CALD1: variants seen among roughly 807,000 people sequenced by gnomAD.
CALD1 encodes the protein caldesmon.
CALD1 carries 33 observed loss-of-function variants against 99.9 expected under a neutral mutation model. The observed-to-expected ratio is 0.33, with a 90% CI of 0.25 to 0.44. The LOEUF (loss-of-function observed/expected upper bound fraction) is 0.44, where lower values mean the gene tolerates loss of function less well. Ranked by LOEUF, CALD1 falls within the 20% of genes least tolerant of loss-of-function variation. CALD1 has a pLI of 1.00. For missense variants in CALD1, 861 were observed against 962.1 expected (o/e 0.89, Z 1.39); for synonymous variants, 310 against 325.0 (o/e 0.95, Z 0.50).
At chr7:134,734,915 C>T in the CALD1 span, 9 of 164,348 alleles carry the variant, frequency 5.5e-5, no homozygotes, top group South Asian at 1.6e-4. Context: ...ACCTCCTCCT[C>T]ATCCCACTCC....
intron 1 of CALD1, 109 bp from the exon 2 acceptor site, chr7:134,843,775 T>G (rs1799742520): frequency 6.6e-6 from 1 of 152,242 alleles, no homozygotes; most frequent in Non-Finnish European, 1.5e-5. Context: ...TCCCTTTAGA[T>G]TCTAACTAAC....
chr7:134,941,143 A>G lies in CALD1; in HGVS notation c.1438A>G (p.Ser480Gly). ...KDKEPKEEVKSFMDRKKGFTE... is the reference protein window; with the variant it reads ...KDKEPKEEVKGFMDRKKGFTE... ...CAAAGAACCCAAAGAAGAAGTTAAG[A>G]GCTTCATGGATCGAAAGAAGGGATT... Residue 480 changes from serine to glycine, a missense_variant, in exon 7 of 15, where the codon AGC (serine) becomes GGC (glycine). By Grantham distance (56) the Ser-to-Gly change is moderately conservative. Transcript: ENST00000361675. The G allele has an allele frequency of 6.2e-7, 1 of 1,613,092 alleles. No individual in the cohort carries two copies. Among genetic ancestry groups the G allele is most frequent in the African/African-American group, 1.3e-5 (1 of 75,006 alleles).
At chr7:134,898,344 CTTACTT>C (rs1012494738) in intron 3 of CALD1, among the ~76,000 whole-genome samples, 1 of 152,164 alleles carries the variant, frequency 6.6e-6, no homozygotes, top group African/African-American at 2.4e-5. Context: ...ATTAAACAGT[CTTACTT>C]TTACAATTAA....
intron 6 of CALD1, among the ~76,000 whole-genome samples, chr7:134,939,731 G>A (rs1222360848): frequency 6.6e-6 from 1 of 152,170 alleles, no homozygotes; most frequent in African/African-American, 2.4e-5. Flanking sequence ...GGGAGGCCGA[G>A]GTGGGCAGAT....
intron 3 of CALD1, among the ~76,000 whole-genome samples, chr7:134,904,463 C>T (rs1274278049): frequency 1.3e-5 from 2 of 151,922 alleles, no homozygotes; most frequent in Non-Finnish European, 2.9e-5. Flanking sequence ...CACCTGCAGT[C>T]CCAGCTACTC....
chr7:134,743,700 C>G (rs1796610010), upstream of CALD1, among the ~76,000 whole-genome samples: 1 of 152,226 alleles, frequency 6.6e-6, no homozygotes, highest in African/African-American at 2.4e-5. Context: ...ATTAAAATAT[C>G]TGTATCCTAA....
chr7:134,795,527 C>G (rs1797713198), intron 1 of CALD1, among the ~76,000 whole-genome samples: 1 of 152,152 alleles, frequency 6.6e-6, no homozygotes, highest in African/African-American at 2.4e-5. Context: ...CAGACTAATA[C>G]AACAGTGAAA....
At position 134,969,153 on chromosome 7, in the gene CALD1, TA is replaced by T. The variant is rs766262287; in HGVS notation, c.*814del. 2.0e-5 allele frequency: 3 copies of T among 152,722 alleles called. No individual in the cohort carries two copies. Among genetic ancestry groups the T allele is most frequent in the African/African-American group, 7.2e-5 (3 of 41,442 alleles). 9.5% of individuals were successfully genotyped at this position (152,722 alleles called of 1,614,324 possible). ...GCCAATATCACAGCTTTTGAAAAAT[TA>T]AAAAATCACACTATATTAATATTTT... On this transcript the variant is annotated 3_prime_UTR_variant, in exon 15 of 15. Transcript: ENST00000361675.
intron 3 of CALD1, among the ~76,000 whole-genome samples, chr7:134,907,809 C>T (rs1421402797): frequency 6.6e-6 from 1 of 152,030 alleles, no homozygotes; most frequent in African/African-American, 2.4e-5. Context: ...CACTCGTGGG[C>T]CCTCAGACAC....
chr7:134,843,637 T>G (rs534041485), intron 1 of CALD1, among the ~76,000 whole-genome samples: 64 of 152,354 alleles, frequency 4.2e-4, no homozygotes, highest in African/African-American at 1.5e-3. Flanking sequence ...ATACTATCCC[T>G]GGGTTTGTCT....
At chr7:134,829,330 G>T (rs1445764780) in intron 1 of CALD1, among the ~76,000 whole-genome samples, 1 of 152,186 alleles carries the variant, frequency 6.6e-6, no homozygotes, top group African/African-American at 2.4e-5. Context: ...CAATACCTTG[G>T]CAATAAATGG....
Position 134,969,360 on chromosome 7 carries a change from T to A in CALD1, c.*1015T>A, listed in dbSNP as rs904454421. Reference sequence around the variant, plus strand: ...TTCTTGAAGTCCAGTGTGAATTTTATTAATGCTATCATCTCGACCAAGCTC... The same window carrying A: ...TTCTTGAAGTCCAGTGTGAATTTTAATAATGCTATCATCTCGACCAAGCTC... On this transcript the variant is annotated 3_prime_UTR_variant, in exon 15 of 15. Transcript: ENST00000361675. 1.3e-5 allele frequency: 2 copies of A among 152,238 alleles called. No homozygotes were observed. The highest frequency in any genetic ancestry group is 3.8e-4 in the East Asian group (2 of 5,204). 9.4% of individuals were successfully genotyped at this position (152,238 alleles called of 1,614,324 possible).
At chr7:134,778,208 AT>A (rs1796960937), upstream of CALD1, among the ~76,000 whole-genome samples, 1 of 152,190 alleles carries the variant, frequency 6.6e-6, no homozygotes, top group Non-Finnish European at 1.5e-5. Context: ...GAGAGTTGAT[AT>A]GGATGCCTCT....
intron 2 of CALD1, among the ~76,000 whole-genome samples, chr7:134,851,318 A>G (rs1389704724): frequency 6.6e-6 from 1 of 152,150 alleles, no homozygotes; most frequent in Non-Finnish European, 1.5e-5. Context: ...CACTGGAGTA[A>G]AGAGATGGGC....
intron 2 of CALD1, among the ~76,000 whole-genome samples, chr7:134,857,154 T>A (rs2132255429): frequency 7.4e-6 from 1 of 134,994 alleles, no homozygotes; most frequent in South Asian, 2.4e-4. Flanking sequence ...GGTTTTGCGC[T>A]ATTCTTTTTT....
Position 134,905,819 on chromosome 7 carries a change from G to A in CALD1, c.72-22935G>A, listed in dbSNP as rs567639134. Among the ~76,000 whole-genome samples, 100 of 151,528 alleles carry A rather than the reference G, an allele frequency of 6.6e-4. 1 individual carries two copies. Among genetic ancestry groups the A allele is most frequent in the African/African-American group, 8.5e-4 (35 of 41,324 alleles). On this transcript the variant is annotated intron_variant, in intron 3 of 14. Coordinates refer to ENST00000361675, the MANE Select transcript of CALD1 (RefSeq NM_033138.4). ...TCCCCAGCAGGAGACATGGACTTCCGTATAACTAGCCAATCCTCTAACTCC... is the reference window on the plus strand; with the variant it reads ...TCCCCAGCAGGAGACATGGACTTCCATATAACTAGCCAATCCTCTAACTCC...
rs147889777 is a variant in CALD1, at chr7:134,769,431, T to G, written c.-130+25068T>G. 6.8e-3 allele frequency among the ~76,000 whole-genome samples: 1,038 copies of G among 152,358 alleles called. 12 individuals are homozygous for G. The highest frequency in any genetic ancestry group is 0.024 in the African/African-American group (988 of 41,586). On this transcript the variant is annotated intron_variant, in intron 1 of 13. Transcript: ENST00000417172. ...TTTAGTTTTGCGTGATTAAACTTTT[T>G]TTTTCTTTACCAATCTGGTTGTCAT...
chr7:134,752,772 G>A (rs896883791), intron 1 of CALD1, among the ~76,000 whole-genome samples: 56 of 152,112 alleles, frequency 3.7e-4, no homozygotes, highest in African/African-American at 1.3e-3. Flanking sequence ...AGGCCGAGGC[G>A]GGCAGATCAC....
chr7:134,734,639 A>G, the CALD1 span, among the ~76,000 whole-genome samples: 1 of 151,830 alleles, frequency 6.6e-6, no homozygotes, highest in African/African-American at 2.4e-5. Flanking sequence ...TTGTTTCCCG[A>G]GCTGTTCTTG....
Sources: allele counts gnomAD v4.1 joint callset (sites outside exome capture counted in the v4.1 genomes callset), GRCh38; gene constraint gnomAD v4.1.1; transcripts MANE v1.5; gene names NCBI Gene and HGNC (gene_info 2026-07-23, HGNC 2026-07-21).